Variants in FAM107B observed in about 807,000 individuals in gnomAD.
FAM107B encodes family with sequence similarity 107 member B, also known as protein FAM107B.
In FAM107B, 21 loss-of-function variants were observed where a neutral mutation model predicts 31.5. The ratio of observed to expected loss-of-function variants is 0.67; its 90% CI spans 0.47 to 0.96. FAM107B has a LOEUF of 0.96. Ranked by LOEUF, FAM107B falls within the 40% of genes least tolerant of loss-of-function variation. The probability of loss-of-function intolerance (pLI) is 0.00; values close to 1 mark genes in which losing one functional copy is unlikely to be tolerated. For synonymous variants in FAM107B, 157 were observed against 141.5 expected (o/e 1.11, Z -0.78); for missense variants, 452 against 377.1 (o/e 1.20, Z -1.64).
intron 2 of FAM107B, among the ~76,000 whole-genome samples, chr10:14,593,373 AC>A (rs1286988243): frequency 6.6e-6 from 1 of 151,860 alleles, no homozygotes; most frequent in Non-Finnish European, 1.5e-5. Flanking sequence ...CAGGGGTAGA[AC>A]CCAGTGTAAC....
At chr10:14,663,992 C>CG (rs1309477257) in intron 2 of FAM107B, among the ~76,000 whole-genome samples, 1 of 151,438 alleles carries the variant, frequency 6.6e-6, no homozygotes, top group African/African-American at 2.4e-5. Flanking sequence ...CCCTGGCTGA[C>CG]GTGTCTCCCT....
chr10:14,571,492 G>A (rs535868835), intron 2 of FAM107B, among the ~76,000 whole-genome samples: 7 of 152,194 alleles, frequency 4.6e-5, no homozygotes, highest in African/African-American at 1.4e-4. Context: ...AGTAAAAGGC[G>A]ACTCATCCAG....
chr10:14,734,494 T>TG (rs1239404202), intron 1 of FAM107B, among the ~76,000 whole-genome samples: 2 of 151,726 alleles, frequency 1.3e-5, no homozygotes, highest in African/African-American at 4.9e-5. Flanking sequence ...TGAGGTTTTT[T>TG]TTTTTTTTTT....
chr10:14,664,465 G>C (rs1025832445), intron 2 of FAM107B, among the ~76,000 whole-genome samples: 12 of 152,152 alleles, frequency 7.9e-5, no homozygotes, highest in African/African-American at 2.9e-4. Flanking sequence ...GTATACTACT[G>C]TATTTTTTAC....
chr10:14,548,236 C>G (rs1449484149), intron 2 of FAM107B, among the ~76,000 whole-genome samples: 1 of 152,076 alleles, frequency 6.6e-6, no homozygotes, highest in African/African-American at 2.4e-5. Flanking sequence ...GAGCTCCCTG[C>G]CTGGAGGAGA....
intron 2 of FAM107B, among the ~76,000 whole-genome samples, chr10:14,616,939 A>AG (rs1852869123): frequency 6.6e-6 from 1 of 152,046 alleles, no homozygotes; most frequent in Admixed American, 6.6e-5. Flanking sequence ...AAATAAAATA[A>AG]AAGAGAGAGA....
intron 1 of FAM107B, among the ~76,000 whole-genome samples, chr10:14,684,898 G>A (rs751673547): frequency 9.9e-5 from 15 of 151,762 alleles, no homozygotes; most frequent in Non-Finnish European, 1.9e-4. Context: ...TTGGCTCACG[G>A]CAGCCTCAAT....
chr10:14,686,187 G>A (rs764902542), intron 1 of FAM107B, among the ~76,000 whole-genome samples: 2 of 152,092 alleles, frequency 1.3e-5, no homozygotes, highest in African/African-American at 2.4e-5. Flanking sequence ...TCAGGAGTTC[G>A]AGACCAGCCT....
intron 2 of FAM107B, among the ~76,000 whole-genome samples, chr10:14,544,091 C>T (rs111234735): frequency 0.022 from 3,370 of 152,244 alleles, 66 homozygotes; most frequent in East Asian, 0.09. Flanking sequence ...GACTCAACTG[C>T]TTGGCCCAGG....
intron 1 of FAM107B, among the ~76,000 whole-genome samples, chr10:14,751,591 C>T (rs1352623743): frequency 6.6e-6 from 1 of 151,958 alleles, no homozygotes; most frequent in East Asian, 1.9e-4. Context: ...CAGCCTTTAC[C>T]TCCTGGGCTA....
intron 2 of FAM107B, among the ~76,000 whole-genome samples, chr10:14,653,452 T>G (rs1020317767): frequency 6.6e-6 from 1 of 152,188 alleles, no homozygotes; most frequent in Non-Finnish European, 1.5e-5. Flanking sequence ...GAAGCTGTTC[T>G]TCACTCCAGC....
intron 2 of FAM107B, among the ~76,000 whole-genome samples, chr10:14,630,151 G>A (rs1853316769): frequency 6.6e-6 from 1 of 151,694 alleles, no homozygotes; most frequent in Non-Finnish European, 1.5e-5. Flanking sequence ...AGACTTTTAA[G>A]AAAACATGCA....
At chr10:14,551,991 T>C (rs1342078001) in intron 2 of FAM107B, among the ~76,000 whole-genome samples, 1 of 152,228 alleles carries the variant, frequency 6.6e-6, no homozygotes, top group Middle Eastern at 3.2e-3. Context: ...GAGACCTGCC[T>C]TCTGTGACAT....
chr10:14,769,480 G>A (rs1344757203), intron 1 of FAM107B, among the ~76,000 whole-genome samples: 2 of 152,164 alleles, frequency 1.3e-5, no homozygotes, highest in Non-Finnish European at 1.5e-5. Flanking sequence ...AGCCTCCAGG[G>A]TTCAAGCAAT....
chr10:14,658,781 T>C (rs561658718), intron 2 of FAM107B, among the ~76,000 whole-genome samples: 1 of 152,340 alleles, frequency 6.6e-6, no homozygotes, highest in Admixed American at 6.5e-5. Context: ...GCCTCCTATA[T>C]GTCAGGCTCC....
intron 1 of FAM107B, among the ~76,000 whole-genome samples, chr10:14,705,011 G>A (rs1366748364): frequency 9.0e-6 from 1 of 110,786 alleles, no homozygotes; most frequent in African/African-American, 3.6e-5. Flanking sequence ...GCAATGGAGT[G>A]AGACCCTGTC....
intron 1 of FAM107B, among the ~76,000 whole-genome samples, chr10:14,729,142 A>C (rs1856105549): frequency 2.0e-5 from 3 of 151,924 alleles, no homozygotes. Flanking sequence ...ACAGATGTGC[A>C]TTGTCATACC....
chr10:14,605,508 A>G (rs925632790), intron 2 of FAM107B, among the ~76,000 whole-genome samples: 8 of 152,238 alleles, frequency 5.3e-5, no homozygotes, highest in African/African-American at 1.9e-4. Flanking sequence ...GGTCATAGTC[A>G]TACTGAAAAG....
chr10:14,740,853 G>T (rs562880195), intron 1 of FAM107B, among the ~76,000 whole-genome samples: 1 of 152,194 alleles, frequency 6.6e-6, no homozygotes, highest in East Asian at 1.9e-4. Flanking sequence ...CCTAAAAATA[G>T]TCTAGCCCCT....
Sources: gnomAD v4.1 joint callset for allele counts (sites outside exome capture counted in the v4.1 genomes callset) on GRCh38, gnomAD v4.1.1 for gene constraint, MANE v1.5 for transcripts, NCBI Gene and HGNC (gene_info 2026-07-23, HGNC 2026-07-21) for gene names.